The following GALNT17 variants were observed in gnomAD, a reference collection of about 807,000 sequenced individuals.
The protein encoded by GALNT17 is UDP-GalNAc:polypeptide N-acetylgalactosaminyltransferase-like 3.
In GALNT17, 29 loss-of-function variants were observed where a neutral mutation model predicts 63.7. The observed-to-expected ratio is 0.46, with a 90% CI of 0.34 to 0.62. The LOEUF is 0.62. Among genes scored for constraint, GALNT17 ranks in the 20% least tolerant of loss-of-function variants. GALNT17 has a pLI of 0.01. For synonymous variants in GALNT17, 305 were observed against 318.3 expected, an observed-to-expected ratio of 0.96 and a Z score of 0.45; for missense variants, 603 against 799.6, an observed-to-expected ratio of 0.75 and a Z score of 2.97.
At chr7:71,534,278 A>G (rs964659314) in intron 5 of GALNT17, among the ~76,000 whole-genome samples, 2 of 152,060 alleles carry the variant, frequency 1.3e-5, no homozygotes, top group Non-Finnish European at 2.9e-5. Flanking sequence ...AGAAGTGTAA[A>G]GCAAAGTGAG....
intron 1 of GALNT17, among the ~76,000 whole-genome samples, chr7:71,331,450 G>C (rs1423906497): frequency 6.6e-6 from 1 of 152,182 alleles, no homozygotes; most frequent in Non-Finnish European, 1.5e-5. Flanking sequence ...GCTCACGCCT[G>C]TAATCCCAGC....
At chr7:71,427,647 G>A (rs1016818637) in intron 5 of GALNT17, among the ~76,000 whole-genome samples, 1 of 152,024 alleles carries the variant, frequency 6.6e-6, no homozygotes, top group Non-Finnish European at 1.5e-5. Context: ...GTCCAGGGCA[G>A]TGGTCCTCAA....
At chr7:71,600,920 T>G (rs10235822) in intron 6 of GALNT17, among the ~76,000 whole-genome samples, 19,696 of 151,804 alleles carry the variant, frequency 0.13, 2,041 homozygotes, top group African/African-American at 0.29. Context: ...CCACTCCCAC[T>G]CTTCCCCCCA....
chr7:71,391,188 A>T (rs11976167), intron 3 of GALNT17, among the ~76,000 whole-genome samples: 12,550 of 152,210 alleles, frequency 0.082, 991 homozygotes, highest in African/African-American at 0.2. Flanking sequence ...AGTGGCAAAA[A>T]GACTGGAGGT....
intron 2 of GALNT17, among the ~76,000 whole-genome samples, chr7:71,362,401 TA>T (rs1473868555): frequency 1.3e-5 from 2 of 152,188 alleles, no homozygotes; most frequent in East Asian, 3.8e-4. Context: ...TAACAGCAAT[TA>T]GAATGTTTGC....
intron 9 of GALNT17, among the ~76,000 whole-genome samples, chr7:71,683,090 A>T (rs1328415455): frequency 6.6e-6 from 1 of 152,114 alleles, no homozygotes; most frequent in Non-Finnish European, 1.5e-5. Context: ...GGAGCTGATT[A>T]GATTGAGTTG....
At chr7:71,619,162 G>A (rs1790257510) in intron 6 of GALNT17, among the ~76,000 whole-genome samples, 2 of 152,000 alleles carry the variant, frequency 1.3e-5, no homozygotes, top group Admixed American at 1.3e-4. Context: ...CTGCTCATTG[G>A]CCTATAGTAC....
chr7:71,497,060 G>A (rs1336626006), intron 5 of GALNT17, among the ~76,000 whole-genome samples: 1 of 152,130 alleles, frequency 6.6e-6, no homozygotes, highest in African/African-American at 2.4e-5. Flanking sequence ...GTGAGACCCT[G>A]AATCTCTCTC....
intron 1 of GALNT17, among the ~76,000 whole-genome samples, chr7:71,299,310 C>T (rs979541694): frequency 1.4e-4 from 22 of 152,166 alleles, no homozygotes; most frequent in African/African-American, 5.1e-4. Flanking sequence ...TGTCATAAAT[C>T]CTTGCAGACG....
At chr7:71,520,107 A>G (rs1034273834) in intron 5 of GALNT17, among the ~76,000 whole-genome samples, 1 of 152,126 alleles carries the variant, frequency 6.6e-6, no homozygotes, top group Non-Finnish European at 1.5e-5. Context: ...CTCCATACAG[A>G]TATGTAATTG....
chr7:71,553,015 G>A (rs1360482243), intron 5 of GALNT17, among the ~76,000 whole-genome samples: 1 of 151,496 alleles, frequency 6.6e-6, no homozygotes, highest in Non-Finnish European at 1.5e-5. Flanking sequence ...ATCTACAGTG[G>A]TTTTATTAAG....
At chr7:71,494,749 G>C (rs1788066325) in intron 5 of GALNT17, among the ~76,000 whole-genome samples, 2 of 152,100 alleles carry the variant, frequency 1.3e-5, no homozygotes, top group African/African-American at 4.8e-5. Context: ...AATTTATAAA[G>C]GAAAGAGGTT....
At chr7:71,134,700 C>T (rs866914046) in intron 1 of GALNT17, among the ~76,000 whole-genome samples, 11 of 152,014 alleles carry the variant, frequency 7.2e-5, no homozygotes, top group South Asian at 4.2e-4. Flanking sequence ...CAGAAACTTA[C>T]GGGGTGGCCT....
intron 2 of GALNT17, among the ~76,000 whole-genome samples, chr7:71,361,025 G>A (rs994376608): frequency 1.3e-5 from 2 of 152,092 alleles, no homozygotes; most frequent in Non-Finnish European, 2.9e-5. Flanking sequence ...AAACTTATTT[G>A]ACTAGCTACT....
intron 1 of GALNT17, among the ~76,000 whole-genome samples, chr7:71,265,013 T>A (rs1790462443): frequency 6.7e-6 from 1 of 148,584 alleles, no homozygotes; most frequent in South Asian, 2.2e-4. Context: ...TGATCAACCC[T>A]TGAGGTGATG....
At chr7:71,202,992 GCACACA>G (rs144239987) in intron 1 of GALNT17, among the ~76,000 whole-genome samples, 1 of 151,034 alleles carries the variant, frequency 6.6e-6, no homozygotes, top group African/African-American at 2.4e-5. Flanking sequence ...ATACACACGT[GCACACA>G]CACACACACA....
intron 6 of GALNT17, among the ~76,000 whole-genome samples, chr7:71,591,182 G>T (rs1453030469): frequency 2.0e-5 from 3 of 151,970 alleles, no homozygotes; most frequent in Non-Finnish European, 2.9e-5. Context: ...TCAGGCTTCT[G>T]AGTAGCTGGG....
chr7:71,270,986 G>A (rs1274785644), intron 1 of GALNT17, among the ~76,000 whole-genome samples: 5 of 151,608 alleles, frequency 3.3e-5, no homozygotes, highest in East Asian at 1.9e-4. Flanking sequence ...CTGGGAAAGC[G>A]TTTTCTAGGA....
intron 1 of GALNT17, among the ~76,000 whole-genome samples, chr7:71,166,534 A>T (rs1269959193): frequency 6.6e-6 from 1 of 152,180 alleles, no homozygotes; most frequent in Non-Finnish European, 1.5e-5. Context: ...TACTGAGGCA[A>T]CCACTGATCT....
Sources: allele counts gnomAD v4.1 joint callset (sites outside exome capture counted in the v4.1 genomes callset), GRCh38; gene constraint gnomAD v4.1.1; transcripts MANE v1.5; gene names NCBI Gene and HGNC (gene_info 2026-07-23, HGNC 2026-07-21).